USHBP1: variants seen among roughly 807,000 people sequenced by gnomAD.
The protein encoded by USHBP1 is USH1 protein network component harmonin binding protein 1.
USHBP1 carries 67 observed loss-of-function variants against 76.2 expected under a neutral mutation model. That is an observed-to-expected ratio of 0.88 (90% CI 0.72 to 1.08). The LOEUF is 1.08. Ranked by LOEUF, USHBP1 falls within the 50% of genes least tolerant of loss-of-function variation. The pLI is 0.00. For missense variants in USHBP1, 931 were observed against 915.0 expected (o/e 1.02, Z -0.23); for synonymous variants, 322 against 362.2 (o/e 0.89, Z 1.26).
chr19:17,262,580 C>T lies in USHBP1; in HGVS notation c.614G>A (p.Arg205Gln), dbSNP rs770082162. ...VRTQASLEAI[R>Q]AEKETLQKEV... ...TTTCTGCAGCGTCTCCTTCTCAGCT[C>T]GGATGGCCTCCAGGGAGGCCTGCGT... Residue 205 changes from arginine to glutamine, a missense_variant, in exon 4 of 13, where the codon CGA becomes CAA. By Grantham distance (43) the Arg-to-Gln change is conservative. Coordinates refer to ENST00000252597, the MANE Select transcript of USHBP1 (RefSeq NM_031941.4). 60 of 1,610,368 alleles carry T rather than the reference C, an allele frequency of 3.7e-5. No homozygotes were observed. In the East Asian group the frequency reaches 1.1e-3, roughly 29 times the overall value.
Position 17,258,318 on chromosome 19 carries a change from C to G in USHBP1, c.1114G>C (p.Glu372Gln). The part of the protein sequence containing the change: ...LREADSGAGD[E>Q]APMSDLQAAE... ...GCTTGCAGGTCACTCATGGGGGCTT[C>G]GTCTCCTGCTCCTGAGTCGGCCTCC... The change falls in exon 8 of 13, where the codon GAA becomes CAA. Residue 372 changes from glutamate (E) to glutamine (Q), a missense_variant. Glu to Gln is a conservative substitution (Grantham distance 29). Transcript: ENST00000252597. 1.2e-6 allele frequency: 2 copies of G among 1,614,050 alleles called. No individual in the cohort carries two copies. Among genetic ancestry groups the G allele is most frequent in the South Asian group, 1.1e-5 (1 of 91,080 alleles).
At chr19:17,251,255 C>CACCTCCTG (rs1225095854) in intron 12 of USHBP1, among the ~76,000 whole-genome samples, 1 of 151,516 alleles carries the variant, frequency 6.6e-6, no homozygotes, top group East Asian at 1.9e-4. Context: ...CCACAACCTC[C>CACCTCCTG]ACCTCCTGGG....
Position 17,250,360 on chromosome 19 carries a change from C to A in USHBP1, c.1977G>T (p.Arg659=), listed in dbSNP as rs2073534450. ...GAHRKQEEQR[R]KLEQQMALME... ...TGAGTGCCATCTGCTGCTCCAACTT[C>A]CGGCGTTGCTCTTCCTGCTTCCGGT... is the stretch of plus-strand genomic sequence containing the variant. The change falls in exon 13 of 13, where the codon CGG becomes CGT. Residue 659 remains arginine (R), a synonymous_variant. Coordinates refer to ENST00000252597, the MANE Select transcript of USHBP1 (RefSeq NM_031941.4). 2 of 1,613,838 alleles carry A rather than the reference C, an allele frequency of 1.2e-6. No homozygotes were observed.
At chr19:17,261,525 G>A (rs751047239) in intron 4 of USHBP1, among the ~76,000 whole-genome samples, 3 of 150,242 alleles carry the variant, frequency 2.0e-5, no homozygotes, top group Non-Finnish European at 4.4e-5. Flanking sequence ...TAGTAGAGAC[G>A]GGTTTTCACC....
In USHBP1 at chr19:17,253,162, G is replaced by T. The variant is rs554396495; in HGVS notation, c.1693-1145C>A. Among the ~76,000 whole-genome samples, 8 of 152,026 alleles carry T rather than the reference G, an allele frequency of 5.3e-5. No homozygotes were observed. The South Asian group carries it at 1.7e-3, about 32-fold the overall frequency. On this transcript the variant is annotated intron_variant, in intron 10 of 12. Coordinates refer to ENST00000252597, the MANE Select transcript of USHBP1 (RefSeq NM_031941.4). ...TTTTTGTATTTTTAGTAGAGACAGG[G>T]TTTCACCGTGTTAGCGAGGATGGTC...
Position 17,255,698 on chromosome 19 carries a change from C to G in USHBP1, c.1471-92G>C, listed in dbSNP as rs979187843. On this transcript the variant is annotated intron_variant, in intron 9 of 12. Transcript: ENST00000252597. ...CAAGAGGCACCCACTGAGGACTATT[C>G]AGACAAAAACTGTGACTTTTGGCCA... is the stretch of plus-strand genomic sequence containing the variant. 21 of 1,356,830 alleles carry G rather than the reference C, an allele frequency of 1.5e-5. No individual in the cohort carries two copies. In the African/African-American group the frequency reaches 3.1e-4, roughly 20 times the overall value. The allele number at this position is 1,356,830 out of a possible 1,614,324, so 84.0% of individuals were successfully genotyped here.
At chr19:17,251,890 G>T (rs1166342223) in intron 11 of USHBP1, 21 bp downstream of exon 11, 4 of 1,531,852 alleles carry the variant, frequency 2.6e-6, no homozygotes, top group Non-Finnish European at 3.5e-6. Flanking sequence ...CCCCCGCACA[G>T]CCCAGGACCC....
At chr19:17,252,582 T>G (rs1599465481) in intron 10 of USHBP1, among the ~76,000 whole-genome samples, 1 of 151,772 alleles carries the variant, frequency 6.6e-6, no homozygotes, top group East Asian at 1.9e-4. Flanking sequence ...TAAAAATTAG[T>G]CTGGCATGGT....
At position 17,264,350 on chromosome 19, in the gene USHBP1, A is replaced by G. The variant is rs970303994; in HGVS notation, c.-48-3T>C. The G allele has an allele frequency of 1.3e-6, 2 of 1,554,844 alleles. No homozygotes were observed. The highest frequency in any genetic ancestry group is 8.7e-7 in the Non-Finnish European group (1 of 1,149,990). On this transcript the variant is annotated splice_region_variant and splice_polypyrimidine_tract_variant and intron_variant, in intron 1 of 12. Transcript: ENST00000252597. ...GAATGCTTCTCCTTCGTCAACCCCT[A>G]AAACCACAGCCTGCCATGAGCTCTT...
chr19:17,251,919 C>A lies in USHBP1; in HGVS notation c.1791G>T (p.Ser597=). 6.5e-7 allele frequency: 1 copy of A among 1,541,884 alleles called. No homozygotes were observed. Residue 597 remains serine (S), a synonymous_variant, in exon 11 of 13, where the codon TCG becomes TCT. Transcript: ENST00000252597. Reference sequence around the variant, plus strand: ...AGGACCCAGGCACACACCTGGTGAGCGATGCTGCCAGTTCCTGGGCTAACT... The same window carrying A: ...AGGACCCAGGCACACACCTGGTGAGAGATGCTGCCAGTTCCTGGGCTAACT... The part of the protein sequence containing the change: ...PEKLAQELAA[S]LTRTLDLQEQ...
At chr19:17,258,156 C>A in intron 8 of USHBP1, 56 bp downstream of exon 8, 1 of 1,607,014 alleles carries the variant, frequency 6.2e-7, no homozygotes. Flanking sequence ...AGCCCCATCC[C>A]CCAGTCAAGA....
Position 17,264,685 on chromosome 19 carries a change from G to C in USHBP1, c.-63C>G. On this transcript the variant is annotated 5_prime_UTR_variant, in exon 1 of 13. Coordinates refer to ENST00000252597, the MANE Select transcript of USHBP1 (RefSeq NM_031941.4). The stretch of plus-strand genomic sequence containing the variant: ...GCTCTCTCTACCTCTCTGATCCTCT[G>C]GGGGTAACTTGATCAGAGGCCTGAG... 1 of 237,030 alleles carries C rather than the reference G, an allele frequency of 4.2e-6. No homozygotes were observed. The highest frequency in any genetic ancestry group is 8.3e-6 in the Non-Finnish European group (1 of 120,318). The allele number at this position is 237,030 out of a possible 1,614,324, so 14.7% of individuals were successfully genotyped here. A position where few individuals can be genotyped will look rare whatever the true frequency, so the allele number is the denominator to read the frequency against.
intron 9 of USHBP1, 150 bp downstream of exon 9, chr19:17,256,321 T>C (rs1326788653): frequency 3.2e-6 from 4 of 1,235,800 alleles, no homozygotes; most frequent in Non-Finnish European, 4.5e-6. Flanking sequence ...AAACTCCTAT[T>C]AATCCCTCAA....
chr19:17,256,718 G>C lies in USHBP1; in HGVS notation c.1223C>G (p.Pro408Arg). 1 of 1,614,114 alleles carries C rather than the reference G, an allele frequency of 6.2e-7. No individual in the cohort carries two copies. The highest frequency in any genetic ancestry group is 8.5e-7 in the Non-Finnish European group (1 of 1,180,042). Residue 408 changes from proline to arginine, a missense_variant and splice_region_variant, in exon 9 of 13, where the codon CCT (proline) becomes CGT (arginine). Transcript: ENST00000252597. ...AGAQQNPQPS[P>R]EGSSVDKPTP... ...GGGCTTATCCACACTGCTGCCTTCA[G>C]GGCTATAGAAAACAGAAAAGGTGCC... is the stretch of plus-strand genomic sequence containing the variant.
Position 17,264,235 on chromosome 19 carries a change from G to C in USHBP1, c.54+11C>G. ...AGGATCTGGGTGTGGAGGGGAGAGG[G>C]TGACACTTACGGGTGGAGCATGCCT... On this transcript the variant is annotated intron_variant, in intron 2 of 12. Coordinates refer to ENST00000252597, the MANE Select transcript of USHBP1 (RefSeq NM_031941.4). The C allele has an allele frequency of 6.2e-7, 1 of 1,613,912 alleles. No homozygotes were observed. Among genetic ancestry groups the C allele is most frequent in the Non-Finnish European group, 8.5e-7 (1 of 1,179,930 alleles).
chr19:17,263,016 A>G (rs769367639), intron 3 of USHBP1, 26 bp from the exon 4 acceptor site: 1 of 1,506,402 alleles, frequency 6.6e-7, no homozygotes, highest in Non-Finnish European at 8.9e-7. Flanking sequence ...CAGGCACTTG[A>G]GTCACTCCAT....
Position 17,249,970 on chromosome 19 carries a change from A to T in USHBP1, c.*255T>A. 2.0e-6 allele frequency: 1 copy of T among 499,406 alleles called. No homozygotes were observed. Among genetic ancestry groups the T allele is most frequent in the East Asian group, 3.9e-5 (1 of 25,778 alleles). 30.9% of individuals were successfully genotyped at this position (499,406 alleles called of 1,614,324 possible). On this transcript the variant is annotated 3_prime_UTR_variant, in exon 13 of 13. Transcript: ENST00000252597. ...GTCAGTCCCAGGGACCTGGTCCCAT[A>T]GCCCAGGTTGCTTCTGGCCTGACCC... is the stretch of plus-strand genomic sequence containing the variant.
chr19:17,254,138 T>G (rs1373272597), intron 10 of USHBP1, among the ~76,000 whole-genome samples: 1 of 148,920 alleles, frequency 6.7e-6, no homozygotes, highest in Non-Finnish European at 1.5e-5. Context: ...GGTCAGGAGA[T>G]CGAGACCATC....
At chr19:17,258,707 TCAA>T in intron 7 of USHBP1, 3 of 137,908 alleles carry the variant, frequency 2.2e-5, no homozygotes, top group Non-Finnish European at 3.9e-5. Context: ...AGACTCTGTC[TCAA>T]AAAAAAAAAA....
Sources: gnomAD v4.1 joint callset for allele counts (sites outside exome capture counted in the v4.1 genomes callset) on GRCh38, gnomAD v4.1.1 for gene constraint, MANE v1.5 for transcripts, NCBI Gene and HGNC (gene_info 2026-07-23, HGNC 2026-07-21) for gene names.